The following NBAS variants were observed in gnomAD, a reference collection of about 807,000 sequenced individuals.
The protein encoded by NBAS is NAG/BC035112 fusion.
A neutral mutation model predicts 302.5 loss-of-function variants in NBAS; 219 were observed. The ratio of observed to expected loss-of-function variants is 0.72; its 90% confidence interval spans 0.65 to 0.81. The LOEUF (loss-of-function observed/expected upper bound fraction) is 0.81. Ranked by LOEUF, NBAS falls within the 30% of genes least tolerant of loss-of-function variation. The probability of loss-of-function intolerance (pLI) is 0.00; values close to 1 mark genes in which losing one functional copy is unlikely to be tolerated. For missense variants in NBAS, 2,932 were observed against 2,841.6 expected (o/e 1.03, Z -0.72); for synonymous variants, 1,118 against 1,021.6 (o/e 1.09, Z -1.80).
At chr2:15,401,929 T>G (rs1558306650) in intron 26 of NBAS, among the ~76,000 whole-genome samples, 2 of 152,130 alleles carry the variant, frequency 1.3e-5, no homozygotes, top group East Asian at 3.8e-4. Flanking sequence ...ATTATCATGT[T>G]TGACAAAATT....
chr2:15,211,950 T>C (rs1162800653), intron 48 of NBAS, among the ~76,000 whole-genome samples: 2 of 152,236 alleles, frequency 1.3e-5, no homozygotes, highest in African/African-American at 2.4e-5. Flanking sequence ...TAAAACATAC[T>C]AATGACTTCC....
chr2:15,295,209 G>C (rs1670491074), intron 40 of NBAS, among the ~76,000 whole-genome samples: 1 of 152,138 alleles, frequency 6.6e-6, no homozygotes, highest in Admixed American at 6.5e-5. Context: ...AAATCCCAAG[G>C]CTAGGTGAAG....
chr2:15,067,262 T>C, the NBAS span, among the ~76,000 whole-genome samples: 1 of 150,924 alleles, frequency 6.6e-6, no homozygotes, highest in African/African-American at 2.4e-5. Context: ...GGAGGATCAC[T>C]TAAGCCTGGG....
intron 32 of NBAS, among the ~76,000 whole-genome samples, chr2:15,360,347 C>A (rs67262998): frequency 0.071 from 2,949 of 41,282 alleles, 76 homozygotes; most frequent in Middle Eastern, 0.17. Flanking sequence ...AAAAAAAAAA[C>A]AAAACAAAAC....
the NBAS span, among the ~76,000 whole-genome samples, chr2:15,052,441 A>C: frequency 6.6e-6 from 1 of 151,958 alleles, no homozygotes; most frequent in African/African-American, 2.4e-5. Flanking sequence ...ACCCAAGAAC[A>C]CTCCACGGTA....
At chr2:15,244,215 G>C (rs908464885) in intron 44 of NBAS, among the ~76,000 whole-genome samples, 2 of 152,164 alleles carry the variant, frequency 1.3e-5, no homozygotes, top group Non-Finnish European at 2.9e-5. Flanking sequence ...GAATTTCTGA[G>C]ATAGTGATGC....
At chr2:15,272,831 A>G (rs2148047172) in intron 44 of NBAS, among the ~76,000 whole-genome samples, 1 of 152,368 alleles carries the variant, frequency 6.6e-6, no homozygotes, top group Non-Finnish European at 1.5e-5. Flanking sequence ...ACTGTGCCAC[A>G]TATTTTCAGG....
At chr2:14,856,115 T>A in the NBAS span, among the ~76,000 whole-genome samples, 1 of 152,072 alleles carries the variant, frequency 6.6e-6, no homozygotes, top group African/African-American at 2.4e-5. Flanking sequence ...ATTCACTATG[T>A]TTGGAAGAAA....
chr2:14,797,169 G>A, the NBAS span, among the ~76,000 whole-genome samples: 17 of 152,078 alleles, frequency 1.1e-4, no homozygotes, highest in African/African-American at 3.9e-4. Context: ...TGGGTTGGGG[G>A]GTGACCCACC....
At chr2:15,276,711 A>ATAAC (rs1669597208) in intron 43 of NBAS, 140 bp downstream of exon 43, 3 of 1,258,404 alleles carry the variant, frequency 2.4e-6, no homozygotes, top group Non-Finnish European at 3.4e-6. Flanking sequence ...TGGAAAGATA[A>ATAAC]TAACTAAAGT....
At chr2:15,105,430 A>T in the NBAS span, among the ~76,000 whole-genome samples, 2 of 152,042 alleles carry the variant, frequency 1.3e-5, no homozygotes, top group Admixed American at 1.3e-4. Context: ...GTTGATAATT[A>T]TTACGAATAA....
chr2:15,134,237 C>T, the NBAS span, among the ~76,000 whole-genome samples: 2 of 152,032 alleles, frequency 1.3e-5, no homozygotes, highest in Admixed American at 1.3e-4. Context: ...ACAAAAGAGA[C>T]CCCAAAGAGC....
At chr2:15,504,024 GTA>G in intron 11 of NBAS, 119 bp downstream of exon 11, 1 of 772,386 alleles carries the variant, frequency 1.3e-6, no homozygotes, top group Non-Finnish European at 2.3e-6. Flanking sequence ...GCCACATAGT[GTA>G]TATGAATACA....
At chr2:14,796,591 A>G in the NBAS span, among the ~76,000 whole-genome samples, 12 of 152,168 alleles carry the variant, frequency 7.9e-5, no homozygotes, top group African/African-American at 2.9e-4. Context: ...TGTCAATGCT[A>G]TTGATAGCGA....
chr2:14,847,997 A>G, the NBAS span, among the ~76,000 whole-genome samples: 2 of 152,234 alleles, frequency 1.3e-5, no homozygotes, highest in African/African-American at 4.8e-5. Flanking sequence ...CAATACAGAC[A>G]TATGGAAATT....
At chr2:15,125,713 C>A in the NBAS span, among the ~76,000 whole-genome samples, 1 of 152,144 alleles carries the variant, frequency 6.6e-6, no homozygotes, top group African/African-American at 2.4e-5. Flanking sequence ...TTTCTTTGGG[C>A]CAGTTTCTCC....
At chr2:15,256,874 T>C (rs537315389) in intron 44 of NBAS, among the ~76,000 whole-genome samples, 1 of 152,252 alleles carries the variant, frequency 6.6e-6, no homozygotes, top group African/African-American at 2.4e-5. Context: ...TACTTACATA[T>C]GTTAATTCAT....
At chr2:14,835,663 T>A in the NBAS span, among the ~76,000 whole-genome samples, 1 of 151,926 alleles carries the variant, frequency 6.6e-6, no homozygotes, top group African/African-American at 2.4e-5. Context: ...CATACCCAGG[T>A]TGTTATATTG....
intron 42 of NBAS, among the ~76,000 whole-genome samples, chr2:15,283,592 G>C (rs1172535257): frequency 6.6e-6 from 1 of 152,144 alleles, no homozygotes; most frequent in East Asian, 1.9e-4. Flanking sequence ...CCAGCCACGT[G>C]GAACTGAGTC....
Sources: allele counts gnomAD v4.1 joint callset (sites outside exome capture counted in the v4.1 genomes callset), GRCh38; gene constraint gnomAD v4.1.1; transcripts MANE v1.5; gene names NCBI Gene and HGNC (gene_info 2026-07-23, HGNC 2026-07-21).